CCDC187: variants seen among roughly 807,000 people sequenced by gnomAD.
CCDC187 encodes coiled-coil domain-containing protein 187.
A neutral mutation model predicts 38.0 loss-of-function variants in CCDC187; 32 were observed. The observed-to-expected ratio is 0.84, with a 90% CI of 0.64 to 1.13. The LOEUF is 1.13. Among genes scored for constraint, CCDC187 ranks in the 50% most tolerant of loss-of-function variants. The probability of loss-of-function intolerance (pLI) is 0.00; values close to 1 mark genes in which losing one functional copy is unlikely to be tolerated. For synonymous variants in CCDC187, 333 were observed against 347.9 expected, an observed-to-expected ratio of 0.96 and a Z score of 0.48; for missense variants, 707 against 786.8, an observed-to-expected ratio of 0.90 and a Z score of 1.21.
chr9:136,255,936 C>T (rs1455127175), intron 24 of CCDC187, among the ~76,000 whole-genome samples: 1 of 152,184 alleles, frequency 6.6e-6, no homozygotes, highest in Non-Finnish European at 1.5e-5. Context: ...AGTCTCAATC[C>T]CACTGGATCA....
chr9:136,255,624 G>A (rs1289064752), intron 25 of CCDC187, 33 bp downstream of exon 25: 1 of 960,818 alleles, frequency 1.0e-6, no homozygotes, highest in African/African-American at 1.8e-5. Flanking sequence ...GGGACTCGAT[G>A]GCTGAAGGAG....
rs190069207 is a variant in CCDC187, at chr9:136,263,303, G to A, written c.3912+319C>T. 1.7e-3 allele frequency among the ~76,000 whole-genome samples: 240 copies of A among 145,408 alleles called. 1 individual carries two copies. Among genetic ancestry groups the A allele is most frequent in the Admixed American group, 6.7e-3 (94 of 13,956 alleles). On this transcript the variant is annotated intron_variant, in intron 18 of 25. Transcript: ENST00000638797. ...AGGGTGGAGTGCAGTGGCATATCTC[G>A]GCTCACTGCAGACTCCGCCCCCCGG...
At position 136,303,112 on chromosome 9, in the gene CCDC187, C is replaced by G. The variant is rs1020339634; in HGVS notation, c.325G>C (p.Gly109Arg). Reference protein sequence around the residue: ...MWSTGPEARDGDSSVSSGRLS... With the variant: ...MWSTGPEARDRDSSVSSGRLS... The stretch of plus-strand genomic sequence containing the variant: ...CGGCCCGATGACACCGAGCTGTCCC[C>G]ATCCCTAGCCTCCGGGCCTGTGGAC... Residue 109 changes from glycine (G) to arginine (R), a missense_variant, in exon 2 of 26, where the codon GGG becomes CGG. Gly to Arg is a moderately radical substitution (Grantham distance 125). Transcript: ENST00000638797. 3.3e-5 allele frequency: 13 copies of G among 398,660 alleles called. No homozygotes were observed. The highest frequency in any genetic ancestry group is 2.3e-4 in the African/African-American group (11 of 48,766). 24.7% of individuals were successfully genotyped at this position (398,660 alleles called of 1,614,324 possible).
chr9:136,300,994 C>T (rs1025026467), intron 2 of CCDC187, among the ~76,000 whole-genome samples: 5 of 152,224 alleles, frequency 3.3e-5, no homozygotes, highest in African/African-American at 9.6e-5. Context: ...CTTGGCACGA[C>T]GCAGGCATCT....
chr9:136,274,065 A>C (rs1830885560), intron 14 of CCDC187, among the ~76,000 whole-genome samples: 1 of 152,190 alleles, frequency 6.6e-6, no homozygotes, highest in Non-Finnish European at 1.5e-5. Context: ...CACCAGGGAA[A>C]GCCGCTCAAA....
Position 136,286,456 on chromosome 9 carries a change from T to C in CCDC187, c.2462A>G (p.Gln821Arg). ...GGTCTCTAGCGCCTGCAGCTGCGCC[T>C]GCTTATGCCGGAGGTGCAGGGAGCT... Reference protein sequence around the residue: ...TSSSLHLRHKQAQLQALETTA... With the variant: ...TSSSLHLRHKRAQLQALETTA... The change falls in exon 8 of 26, where the codon CAG (glutamine) becomes CGG (arginine). Residue 821 changes from glutamine (Q) to arginine (R), a missense_variant. Gln to Arg is a conservative substitution (Grantham distance 43, BLOSUM62 1). Coordinates refer to ENST00000638797, the MANE Select transcript of CCDC187 (RefSeq NM_001378188.1). 1 of 398,726 alleles carries C rather than the reference T, an allele frequency of 2.5e-6. No individual in the cohort carries two copies. The highest frequency in any genetic ancestry group is 1.3e-4 in the South Asian group (1 of 7,862). 24.7% of individuals were successfully genotyped at this position (398,726 alleles called of 1,614,324 possible). A position where few individuals can be genotyped will look rare whatever the true frequency, so the allele number is the denominator to read the frequency against.
chr9:136,290,867 G>T lies in CCDC187; in HGVS notation c.1746C>A (p.Gly582=), dbSNP rs897721448. Residue 582 remains glycine, a synonymous_variant, in exon 6 of 26, where the codon GGC becomes GGA. Transcript: ENST00000638797. The part of the protein sequence containing the change: ...PWSSSGVQRA[G]PQGKGRGIGS... The stretch of plus-strand genomic sequence containing the variant: ...CGATGCCTCTGCCCTTGCCCTGGGG[G>T]CCGGCCCTCTGCACGCCGGAGCTGC... 3 of 398,454 alleles carry T rather than the reference G, an allele frequency of 7.5e-6. No homozygotes were observed. Among genetic ancestry groups the T allele is most frequent in the Non-Finnish European group, 1.3e-5 (3 of 226,012 alleles). 24.7% of individuals were successfully genotyped at this position (398,454 alleles called of 1,614,324 possible).
In CCDC187 at chr9:136,258,549, C is replaced by T. The variant is rs192028191; in HGVS notation, c.4366+383G>A. On this transcript the variant is annotated intron_variant, in intron 22 of 25. Transcript: ENST00000638797. The surrounding 1 kb of genome is among the most constrained non-coding windows in gnomAD (Gnocchi z 4.3). ...TTGGGGACTTGGCTCTCGGGGGGGG[C>T]CCCGGCCAAGTGTAAGGTTCAGAAA... 1.9e-4 allele frequency among the ~76,000 whole-genome samples: 29 copies of T among 152,134 alleles called. No individual in the cohort carries two copies. The highest frequency in any genetic ancestry group is 6.3e-4 in the African/African-American group (26 of 41,536).
chr9:136,261,369 G>A (rs374733613), intron 19 of CCDC187, among the ~76,000 whole-genome samples: 2 of 152,190 alleles, frequency 1.3e-5, no homozygotes, highest in Non-Finnish European at 2.9e-5. Flanking sequence ...TTCTAGCTGT[G>A]GACAGTGCTA....
chr9:136,281,372 A>G (rs1229250466), intron 10 of CCDC187, 179 bp downstream of exon 10: 1 of 398,410 alleles, frequency 2.5e-6, no homozygotes, highest in African/African-American at 2.1e-5. Flanking sequence ...CAGAGCACGC[A>G]GAGGGTCCCG....
At chr9:136,301,137 T>C (rs1472573167) in intron 2 of CCDC187, among the ~76,000 whole-genome samples, 1 of 152,222 alleles carries the variant, frequency 6.6e-6, no homozygotes, top group Admixed American at 6.5e-5. Context: ...AGTATGGGAT[T>C]CAACTCCTGT....
intron 21 of CCDC187, 132 bp from the exon 22 acceptor site, chr9:136,259,133 G>A: frequency 1.5e-6 from 1 of 669,908 alleles, no homozygotes; most frequent in Non-Finnish European, 1.8e-6. Context: ...GGGGCGGACA[G>A]GGACAGATGG....
Position 136,252,392 on chromosome 9 carries a change from G to C in CCDC187, c.*1202C>G, listed in dbSNP as rs1830557984. The C allele has an allele frequency of 5.1e-6, 1 of 197,062 alleles. No individual in the cohort carries two copies. The highest frequency in any genetic ancestry group is 2.5e-5 in the African/African-American group (1 of 40,564). 12.2% of individuals were successfully genotyped at this position (197,062 alleles called of 1,614,324 possible). On this transcript the variant is annotated 3_prime_UTR_variant, in exon 26 of 26. Transcript: ENST00000638797. Reference sequence around the variant, plus strand: ...ACCCCGTCCACCAGGGGAAGGTCCAGGCAACCGTCCCGCACAGCCGGCCGC... The same window carrying C: ...ACCCCGTCCACCAGGGGAAGGTCCACGCAACCGTCCCGCACAGCCGGCCGC...
chr9:136,284,323 C>T (rs1486722573), intron 9 of CCDC187, among the ~76,000 whole-genome samples: 2 of 152,160 alleles, frequency 1.3e-5, no homozygotes, highest in African/African-American at 4.8e-5. Flanking sequence ...TGACCCAGGC[C>T]CTGATGTCTG....
At position 136,257,387 on chromosome 9, in the gene CCDC187, T is replaced by C. The variant is rs1830626571; in HGVS notation, c.4367-546A>G. Among the ~76,000 whole-genome samples, 1 of 150,248 alleles carries C rather than the reference T, an allele frequency of 6.7e-6. No homozygotes were observed. The highest frequency in any genetic ancestry group is 2.1e-4 in the South Asian group (1 of 4,784). ...CTTTGTCTCAAAATTATAATAATAATAATAATAATAATAATAATAATTTAG... is the reference window on the plus strand; with the variant it reads ...CTTTGTCTCAAAATTATAATAATAACAATAATAATAATAATAATAATTTAG... On this transcript the variant is annotated intron_variant, in intron 22 of 25. Transcript: ENST00000638797. The surrounding 1 kb of genome is among the most constrained non-coding windows in gnomAD (Gnocchi z 4.5).
At chr9:136,294,430 G>A (rs1358972827) in intron 4 of CCDC187, among the ~76,000 whole-genome samples, 3 of 152,158 alleles carry the variant, frequency 2.0e-5, no homozygotes, top group Non-Finnish European at 4.4e-5. Context: ...CCCTTCCTTA[G>A]GCCCAGCCCA....
chr9:136,275,500 G>A (rs1376192374), intron 12 of CCDC187, among the ~76,000 whole-genome samples: 1 of 152,216 alleles, frequency 6.6e-6, no homozygotes, highest in Middle Eastern at 3.4e-3. Flanking sequence ...ACGTGTGCAC[G>A]CACATACTTC....
In CCDC187 at chr9:136,252,906, A is replaced by G. The variant is rs66800041; in HGVS notation, c.*688T>C. On this transcript the variant is annotated 3_prime_UTR_variant, in exon 26 of 26. Transcript: ENST00000638797. ...GGCCTGGGTGGGTCCTCTACCTGGC[A>G]GCTCAGGCCTCCCTCAACGTCCTCA... 119,006 of 152,236 alleles carry G rather than the reference A, an allele frequency of 0.78. 47,405 individuals are homozygous for G. Among genetic ancestry groups the G allele is most frequent in the East Asian group, 0.89 (4,597 of 5,156 alleles). 9.4% of individuals were successfully genotyped at this position (152,236 alleles called of 1,614,324 possible).
chr9:136,293,980 T>TCA (rs1280845736), intron 4 of CCDC187, among the ~76,000 whole-genome samples: 36 of 143,276 alleles, frequency 2.5e-4, no homozygotes, highest in African/African-American at 9.3e-4. Context: ...TCACATGCTC[T>TCA]CACACACACA....
Sources: gnomAD v4.1 joint callset for allele counts (sites outside exome capture counted in the v4.1 genomes callset) on GRCh38, gnomAD v4.1.1 for gene constraint, Gnocchi (gnomAD v3.1) non-coding constraint, MANE v1.5 for transcripts, NCBI Gene and HGNC (gene_info 2026-07-23, HGNC 2026-07-21) for gene names.